GALNTL6: variants seen among roughly 807,000 people sequenced by gnomAD.
GALNTL6 encodes polypeptide N-acetylgalactosaminyltransferase-like 6.
In GALNTL6, 46 loss-of-function variants were observed where a neutral mutation model predicts 73.7. The ratio of observed to expected loss-of-function variants is 0.62; its 90% CI spans 0.49 to 0.80. GALNTL6 has a LOEUF of 0.80. Ranked by LOEUF, GALNTL6 falls within the 30% of genes least tolerant of loss-of-function variation. The probability of loss-of-function intolerance (pLI) is 0.00; values close to 1 mark genes in which losing one functional copy is unlikely to be tolerated. For synonymous variants in GALNTL6, 259 were observed against 263.7 expected (o/e 0.98, Z 0.17); for missense variants, 604 against 755.0 (o/e 0.80, Z 2.34).
intron 8 of GALNTL6, among the ~76,000 whole-genome samples, chr4:172,885,841 G>T (rs1358123280): frequency 6.6e-6 from 1 of 152,130 alleles, no homozygotes; most frequent in African/African-American, 2.4e-5. Context: ...TGATTCTCTT[G>T]TTGTGATATA....
intron 5 of GALNTL6, among the ~76,000 whole-genome samples, chr4:172,550,355 A>G (rs1431217955): frequency 6.6e-6 from 1 of 152,190 alleles, no homozygotes; most frequent in East Asian, 1.9e-4. Context: ...TCAGTCTGAT[A>G]GGGAAAATAT....
intron 5 of GALNTL6, among the ~76,000 whole-genome samples, chr4:172,628,053 A>C (rs1043208639): frequency 1.1e-4 from 17 of 152,242 alleles, no homozygotes; most frequent in Admixed American, 9.2e-4. Flanking sequence ...TGAAATAAAG[A>C]AAAATATACT....
At chr4:172,425,196 A>C (rs1421528040) in intron 5 of GALNTL6, 1 of 152,120 alleles carries the variant, frequency 6.6e-6, no homozygotes, top group African/African-American at 2.4e-5. Context: ...AATGCATCTT[A>C]GTTATATCTA....
intron 2 of GALNTL6, among the ~76,000 whole-genome samples, chr4:172,216,924 G>T (rs1325585412): frequency 6.6e-6 from 1 of 152,120 alleles, no homozygotes; most frequent in South Asian, 2.1e-4. Flanking sequence ...AATGGGAAGT[G>T]GGGGAGGGGG....
chr4:172,151,829 G>A (rs1438297116), intron 2 of GALNTL6, among the ~76,000 whole-genome samples: 2 of 151,284 alleles, frequency 1.3e-5, no homozygotes, highest in East Asian at 1.9e-4. Flanking sequence ...CATGGGGGAC[G>A]GCTGTGACAC....
chr4:172,776,050 G>T (rs1739054814), intron 5 of GALNTL6, among the ~76,000 whole-genome samples: 1 of 152,136 alleles, frequency 6.6e-6, no homozygotes, highest in Non-Finnish European at 1.5e-5. Context: ...TACCTTGATT[G>T]CAGTCACGTG....
At chr4:172,590,189 C>T (rs1737578997) in intron 5 of GALNTL6, among the ~76,000 whole-genome samples, 1 of 152,122 alleles carries the variant, frequency 6.6e-6, no homozygotes, top group South Asian at 2.1e-4. Context: ...ATCCAGTTGT[C>T]CATGTGTTGC....
At chr4:172,586,704 T>C (rs1049034996) in intron 5 of GALNTL6, among the ~76,000 whole-genome samples, 1 of 152,212 alleles carries the variant, frequency 6.6e-6, no homozygotes, top group Non-Finnish European at 1.5e-5. Flanking sequence ...GAATGCATTA[T>C]TAAGTTTTAA....
At chr4:172,919,910 G>A (rs968507149) in intron 8 of GALNTL6, among the ~76,000 whole-genome samples, 2 of 151,912 alleles carry the variant, frequency 1.3e-5, no homozygotes, top group African/African-American at 2.4e-5. Context: ...TTCATTCCCC[G>A]CCCCCAAATC....
intron 9 of GALNTL6, among the ~76,000 whole-genome samples, chr4:172,931,844 C>T (rs980167454): frequency 1.3e-5 from 2 of 152,178 alleles, no homozygotes; most frequent in African/African-American, 2.4e-5. Flanking sequence ...TTCTTGTAAA[C>T]CAGATGCAAA....
At chr4:172,160,250 T>G (rs1734411545) in intron 2 of GALNTL6, among the ~76,000 whole-genome samples, 1 of 151,856 alleles carries the variant, frequency 6.6e-6, no homozygotes, top group African/African-American at 2.4e-5. Flanking sequence ...TGCATGAAAT[T>G]CCAAGTTATG....
At chr4:172,649,165 T>TA (rs1740370543) in intron 5 of GALNTL6, among the ~76,000 whole-genome samples, 2 of 152,332 alleles carry the variant, frequency 1.3e-5, no homozygotes, top group Middle Eastern at 3.4e-3. Flanking sequence ...TGACTTTTTT[T>TA]TATATATTAC....
At chr4:172,832,131 A>T (rs1466265023) in intron 7 of GALNTL6, among the ~76,000 whole-genome samples, 1 of 152,006 alleles carries the variant, frequency 6.6e-6, no homozygotes, top group Non-Finnish European at 1.5e-5. Flanking sequence ...AAATTGCTTT[A>T]CTTCTGTGGA....
At chr4:172,415,667 A>G (rs931489824) in intron 5 of GALNTL6, among the ~76,000 whole-genome samples, 1 of 152,092 alleles carries the variant, frequency 6.6e-6, no homozygotes, top group African/African-American at 2.4e-5. Flanking sequence ...AGCTGGGAGC[A>G]TCCGCGGACT....
chr4:172,699,832 T>A (rs1425092048), intron 5 of GALNTL6, among the ~76,000 whole-genome samples: 1 of 152,156 alleles, frequency 6.6e-6, no homozygotes, highest in Non-Finnish European at 1.5e-5. Flanking sequence ...AATAATTTTT[T>A]TGTTTTCTTT....
intron 6 of GALNTL6, among the ~76,000 whole-genome samples, chr4:172,812,680 T>C (rs112335775): frequency 1.2e-4 from 19 of 152,192 alleles, no homozygotes; most frequent in East Asian, 3.9e-4. Flanking sequence ...AGGTTTAAAA[T>C]TGGATTGTTA....
At chr4:171,826,418 C>A (rs1372962227) in intron 2 of GALNTL6, among the ~76,000 whole-genome samples, 4 of 152,262 alleles carry the variant, frequency 2.6e-5, no homozygotes, top group African/African-American at 7.2e-5. Context: ...TCTTTAGGAA[C>A]GTCCACATAT....
intron 3 of GALNTL6, among the ~76,000 whole-genome samples, chr4:172,235,800 C>A (rs1052471133): frequency 1.4e-4 from 21 of 152,206 alleles, no homozygotes; most frequent in Non-Finnish European, 2.5e-4. Flanking sequence ...TTCACTCCCC[C>A]TGCCCTGTAG....
intron 5 of GALNTL6, among the ~76,000 whole-genome samples, chr4:172,614,787 G>A (rs1007767359): frequency 4.6e-5 from 7 of 152,138 alleles, no homozygotes; most frequent in Admixed American, 1.3e-4. Context: ...GCCTAATAAG[G>A]TGGGTGTTGT....
Sources: allele counts gnomAD v4.1 joint callset (sites outside exome capture counted in the v4.1 genomes callset), GRCh38; gene constraint gnomAD v4.1.1; transcripts MANE v1.5; gene names NCBI Gene and HGNC (gene_info 2026-07-23, HGNC 2026-07-21).